The following PLPBP variants were observed in gnomAD, a reference collection of about 807,000 sequenced individuals.
The protein encoded by PLPBP is pyridoxal phosphate binding protein, also known as pyridoxal phosphate homeostasis protein.
In PLPBP, 21 loss-of-function variants were observed where a neutral mutation model predicts 31.2. The ratio of observed to expected loss-of-function variants is 0.67; its 90% confidence interval spans 0.48 to 0.97. The LOEUF (loss-of-function observed/expected upper bound fraction) is 0.97, where lower values mean the gene tolerates loss of function less well. Ranked by LOEUF, PLPBP falls within the 50% of genes least tolerant of loss-of-function variation. The pLI is 0.00. For synonymous variants in PLPBP, 124 were observed against 135.6 expected (o/e 0.91, Z 0.59); for missense variants, 308 against 354.4 (o/e 0.87, Z 1.05).
chr8:37,772,686 G>A, intron 4 of PLPBP, 69 bp from the exon 5 acceptor site: 1 of 1,572,062 alleles, frequency 6.4e-7, no homozygotes, highest in South Asian at 1.1e-5. Flanking sequence ...ACAAGTCAGA[G>A]ATTTGTTGCA....
chr8:37,776,478 CAAAAAAAAAAAAAA>C (rs915875297), intron 7 of PLPBP, among the ~76,000 whole-genome samples: 3 of 10,634 alleles, frequency 2.8e-4, no homozygotes, highest in East Asian at 3.3e-3. Flanking sequence ...GACTCCATCT[CAAAAAAAAAAAAAA>C]AAAAAAAAAA....
In PLPBP at chr8:37,770,866, T is replaced by C. The variant is rs529346246; in HGVS notation, c.320-1889T>C. Among the ~76,000 whole-genome samples, 19 of 151,990 alleles carry C rather than the reference T, an allele frequency of 1.3e-4. No individual in the cohort carries two copies. The East Asian group carries it at 3.5e-3, about 28-fold the overall frequency. ...TGCTGGGATCGCAGGTGTGAGCCAC[T>C]GCACCTAGCCATGTTAGAAATATGT... On this transcript the variant is annotated intron_variant, in intron 4 of 7. Coordinates refer to ENST00000328195, the MANE Select transcript of PLPBP (RefSeq NM_007198.4).
chr8:37,773,469 C>G (rs1310809184), intron 5 of PLPBP, among the ~76,000 whole-genome samples: 1 of 119,958 alleles, frequency 8.3e-6, no homozygotes, highest in Non-Finnish European at 1.7e-5. Flanking sequence ...CACACTCAGC[C>G]TTTTTTTTTT....
intron 1 of PLPBP, among the ~76,000 whole-genome samples, chr8:37,764,573 G>A (rs1036325206): frequency 1.2e-4 from 18 of 152,248 alleles, no homozygotes; most frequent in African/African-American, 4.3e-4. Flanking sequence ...CACCCACCTC[G>A]GCCTCCCACA....
intron 4 of PLPBP, among the ~76,000 whole-genome samples, chr8:37,769,052 A>C (rs976371114): frequency 3.9e-5 from 6 of 152,150 alleles, no homozygotes; most frequent in Non-Finnish European, 8.8e-5. Flanking sequence ...AAAAACAACT[A>C]GGCCAGGCAC....
At chr8:37,765,218 G>T (rs951422110) in intron 1 of PLPBP, among the ~76,000 whole-genome samples, 1 of 152,206 alleles carries the variant, frequency 6.6e-6, no homozygotes, top group African/African-American at 2.4e-5. Context: ...TGCCGATGCA[G>T]TTGGTCAAAG....
Position 37,775,954 on chromosome 8 carries a change from C to A in PLPBP, c.634C>A (p.Leu212Met), listed in dbSNP as rs775646484. The change falls in exon 7 of 8, where the codon CTG becomes ATG. Residue 212 changes from leucine (L) to methionine (M), a missense_variant. Leu to Met is a conservative substitution (Grantham distance 15). Around this residue, in one of 2 missense-constraint regions of PLPBP, gnomAD observed 188 missense variants for 259.3 expected, o/e 0.73. Transcript: ENST00000328195. ...CCTCCGGGAGGAGCTGTGTAAAAAG[C>A]TGAACATCCCTGCTGACCAGGTTGA... ...LSLREELCKKLNIPADQVELS... is the reference protein window; with the variant it reads ...LSLREELCKKMNIPADQVELS... 4.3e-6 allele frequency: 7 copies of A among 1,613,940 alleles called. No individual in the cohort carries two copies. In the Admixed American group the frequency reaches 1.2e-4, roughly 27 times the overall value.
At chr8:37,767,799 CTTTTTTT>C (rs1175107737) in intron 4 of PLPBP, among the ~76,000 whole-genome samples, 10 of 98,930 alleles carry the variant, frequency 1.0e-4, no homozygotes, top group East Asian at 2.8e-4. Flanking sequence ...CTTTTATTTA[CTTTTTTT>C]TTTTTTTTTT....
intron 4 of PLPBP, among the ~76,000 whole-genome samples, chr8:37,768,465 CTTTT>C (rs903134254): frequency 2.6e-5 from 2 of 76,828 alleles, no homozygotes; most frequent in Admixed American, 1.8e-4. Context: ...TTTTGATTTT[CTTTT>C]TTTTTTTTTT....
chr8:37,772,641 T>A, intron 4 of PLPBP, 114 bp from the exon 5 acceptor site: 1 of 1,264,458 alleles, frequency 7.9e-7, no homozygotes, highest in South Asian at 1.4e-5. Context: ...GAGATTTAAC[T>A]GTGTTTTTCT....
intron 5 of PLPBP, among the ~76,000 whole-genome samples, chr8:37,773,615 CG>C (rs1803831624): frequency 6.6e-6 from 1 of 152,000 alleles, no homozygotes; most frequent in African/African-American, 2.4e-5. Context: ...ATTACAGGCA[CG>C]CGCTACCACG....
upstream of PLPBP, chr8:37,762,578 A>G: frequency 6.6e-7 from 1 of 1,509,852 alleles, no homozygotes; most frequent in Non-Finnish European, 8.8e-7. Context: ...ATTGGTTCAC[A>G]CGGCGCAAGC....
chr8:37,775,590 G>A (rs1190002255), intron 6 of PLPBP, 109 bp downstream of exon 6: 2 of 1,477,190 alleles, frequency 1.4e-6, no homozygotes, highest in East Asian at 4.5e-5. Flanking sequence ...GACACTGCCT[G>A]TTGAGTGTTC....
Position 37,762,694 on chromosome 8 carries a change from G to C in PLPBP, c.35G>C (p.Gly12Ala). 6.3e-7 allele frequency: 1 copy of C among 1,590,942 alleles called. No individual in the cohort carries two copies. The highest frequency in any genetic ancestry group is 8.5e-7 in the Non-Finnish European group (1 of 1,172,598). The change falls in exon 1 of 8, where the codon GGA becomes GCA. Residue 12 changes from glycine to alanine, a missense_variant. Transcript: ENST00000328195. ...WRAGSMSAELGVGCALRAVNE... is the reference protein window; with the variant it reads ...WRAGSMSAELAVGCALRAVNE... ...GCTGGCAGCATGTCGGCCGAGCTGG[G>C]AGTCGGGTGCGCATTGCGGGCGGTG...
chr8:37,775,813 A>G (rs752100824), intron 6 of PLPBP, 105 bp from the exon 7 acceptor site: 17 of 1,207,966 alleles, frequency 1.4e-5, no homozygotes, highest in Non-Finnish European at 1.8e-5. Context: ...CAGGCCTTGA[A>G]ATCATAAGGA....
At chr8:37,770,647 G>A (rs1024001299) in intron 4 of PLPBP, among the ~76,000 whole-genome samples, 1 of 152,116 alleles carries the variant, frequency 6.6e-6, no homozygotes, top group African/African-American at 2.4e-5. Context: ...GCATGATCTC[G>A]GCTCACTGCA....
chr8:37,776,814 C>T (rs1304573347), intron 7 of PLPBP, among the ~76,000 whole-genome samples: 1 of 152,050 alleles, frequency 6.6e-6, no homozygotes, highest in South Asian at 2.1e-4. Context: ...TTGCCCAGGC[C>T]GGAGTGCAGT....
At chr8:37,773,594 G>A (rs990921704) in intron 5 of PLPBP, among the ~76,000 whole-genome samples, 22 of 151,124 alleles carry the variant, frequency 1.5e-4, no homozygotes, top group Admixed American at 2.6e-4. Flanking sequence ...TCAGCCTCCC[G>A]AGTAGCTGGG....
At chr8:37,775,695 A>G (rs1307043596) in intron 6 of PLPBP, among the ~76,000 whole-genome samples, 1 of 152,168 alleles carries the variant, frequency 6.6e-6, no homozygotes, top group East Asian at 1.9e-4. Context: ...CTTGGCTAAA[A>G]CATAGTCTTT....
Sources: allele counts gnomAD v4.1 joint callset (sites outside exome capture counted in the v4.1 genomes callset), GRCh38; gene constraint gnomAD v4.1.1; regional missense constraint gnomAD v4.1.1; transcripts MANE v1.5; gene names NCBI Gene and HGNC (gene_info 2026-07-23, HGNC 2026-07-21).